Variants in RTTN observed in about 807,000 individuals in gnomAD.
RTTN encodes the protein rotatin.
Under a neutral mutation model 269.2 loss-of-function variants are expected in RTTN, and 182 were observed. The ratio of observed to expected loss-of-function variants is 0.68; its 90% CI spans 0.60 to 0.76. The LOEUF (loss-of-function observed/expected upper bound fraction) is 0.76. RTTN is among the 30% of genes least tolerant of loss of function. The probability of loss-of-function intolerance (pLI) is 0.00; values close to 1 mark genes in which losing one functional copy is unlikely to be tolerated. For missense variants in RTTN, 2,545 were observed against 2,608.6 expected (o/e 0.98, Z 0.53); for synonymous variants, 1,006 against 963.5 (o/e 1.04, Z -0.82).
intron 14 of RTTN, among the ~76,000 whole-genome samples, chr18:70,159,780 A>G (rs1427994728): frequency 1.3e-5 from 2 of 152,130 alleles, no homozygotes; most frequent in African/African-American, 4.8e-5. Context: ...ACCCTCAGAG[A>G]CCATTAAGAA....
At chr18:70,135,893 T>C (rs2145682461) in intron 21 of RTTN, among the ~76,000 whole-genome samples, 1 of 152,302 alleles carries the variant, frequency 6.6e-6, no homozygotes, top group South Asian at 2.1e-4. Context: ...TTCTTTAACA[T>C]TAAGTCTCAG....
At chr18:70,055,637 G>GC (rs1568307661) in intron 37 of RTTN, among the ~76,000 whole-genome samples, 2 of 152,068 alleles carry the variant, frequency 1.3e-5, no homozygotes, top group Non-Finnish European at 2.9e-5. Flanking sequence ...TGAAATTATA[G>GC]CAAGTCTGAC....
intron 33 of RTTN, 142 bp from the exon 34 acceptor site, chr18:70,074,136 C>A (rs2058367461): frequency 3.1e-5 from 13 of 423,868 alleles, no homozygotes; most frequent in Non-Finnish European, 4.3e-5. Flanking sequence ...AGATAGACCA[C>A]TATTTAAAAA....
chr18:70,068,539 C>T (rs1286766304), intron 34 of RTTN, among the ~76,000 whole-genome samples: 1 of 152,112 alleles, frequency 6.6e-6, no homozygotes, highest in Non-Finnish European at 1.5e-5. Context: ...CCCCTGTGTC[C>T]CCGCGGAACT....
chr18:70,086,726 AAAAAAAAGGTCAATAC>A, intron 31 of RTTN, 42 bp from the exon 32 acceptor site: 1 of 1,103,948 alleles, frequency 9.1e-7, no homozygotes, highest in Admixed American at 2.6e-5. Context: ...AAAAAAAAAA[AAAAAAAAGGTCAATAC>A]TGCCATCTTG....
Position 70,196,489 on chromosome 18 carries a change from A to G in RTTN, c.841+12T>C, listed in dbSNP as rs753376134. On this transcript the variant is annotated intron_variant, in intron 7 of 48. Coordinates refer to ENST00000640769, the MANE Select transcript of RTTN (RefSeq NM_173630.4). Reference sequence around the variant, plus strand: ...TAACACCAGTGGCTAATGAACAGATAAAAATAAATACCGTGTTTATTGGAG... The same window carrying G: ...TAACACCAGTGGCTAATGAACAGATGAAAATAAATACCGTGTTTATTGGAG... The G allele has an allele frequency of 6.2e-7, 1 of 1,601,700 alleles. No homozygotes were observed. Among genetic ancestry groups the G allele is most frequent in the Non-Finnish European group, 8.5e-7 (1 of 1,175,466 alleles).
chr18:70,092,185 A>G lies in RTTN; in HGVS notation c.4068T>C (p.Ser1356=). 2 of 1,613,450 alleles carry G rather than the reference A, an allele frequency of 1.2e-6. No homozygotes were observed. The highest frequency in any genetic ancestry group is 1.7e-6 in the Non-Finnish European group (2 of 1,179,428). ...GAGTAGGAATATGTTCTTCACTATG[A>G]CTACCCAAAGGCAAGAACCAAAGTG... ...WMSLWFLPLG[S]HSEEHIPTQQ... is the part of the protein sequence containing the mutation. Residue 1356 remains serine (S), a synonymous_variant, in exon 30 of 49, where the codon AGT becomes AGC. Transcript: ENST00000640769.
At chr18:70,050,578 T>C in intron 39 of RTTN, among the ~76,000 whole-genome samples, 1 of 152,198 alleles carries the variant, frequency 6.6e-6, no homozygotes, top group East Asian at 1.9e-4. Flanking sequence ...ACTGGGTATA[T>C]ACCTAAAGTT....
At chr18:70,157,181 G>GC (rs1172809844) in intron 14 of RTTN, among the ~76,000 whole-genome samples, 2 of 151,796 alleles carry the variant, frequency 1.3e-5, no homozygotes, top group African/African-American at 2.4e-5. Flanking sequence ...ACCGCCCCAC[G>GC]CCCCCCCAGA....
chr18:70,166,712 A>G (rs1485741498), intron 13 of RTTN: 1 of 418,266 alleles, frequency 2.4e-6, no homozygotes, highest in Non-Finnish European at 4.2e-6. Flanking sequence ...TAGGCATGAC[A>G]TTTTTGAAGT....
chr18:70,187,572 A>G (rs1377236839), intron 10 of RTTN, among the ~76,000 whole-genome samples: 1 of 152,216 alleles, frequency 6.6e-6, no homozygotes, highest in African/African-American at 2.4e-5. Flanking sequence ...AAGGCACAGT[A>G]TTTTGACTGT....
chr18:70,197,128 G>A (rs983146061), intron 6 of RTTN, among the ~76,000 whole-genome samples: 8 of 152,162 alleles, frequency 5.3e-5, no homozygotes, highest in African/African-American at 1.9e-4. Context: ...TGTGGAGCGA[G>A]AATGCTGAGC....
intron 35 of RTTN, 84 bp downstream of exon 35, chr18:70,065,745 T>G (rs1297410663): frequency 2.4e-6 from 2 of 831,454 alleles, no homozygotes; most frequent in Non-Finnish European, 1.8e-6. Context: ...ATTTTGTTCT[T>G]TAGACATTTA....
At chr18:70,194,920 C>T (rs1421716532) in intron 7 of RTTN, among the ~76,000 whole-genome samples, 1 of 152,052 alleles carries the variant, frequency 6.6e-6, no homozygotes, top group Admixed American at 6.6e-5. Flanking sequence ...ATATTGTATA[C>T]TTAAAAATGT....
chr18:70,118,941 A>T (rs959187636), intron 26 of RTTN, among the ~76,000 whole-genome samples: 1 of 152,110 alleles, frequency 6.6e-6, no homozygotes, highest in East Asian at 1.9e-4. Context: ...CCAACACAAT[A>T]AAGGCCATAT....
At chr18:70,151,492 T>C (rs2145801905) in intron 14 of RTTN, among the ~76,000 whole-genome samples, 1 of 152,288 alleles carries the variant, frequency 6.6e-6, no homozygotes, top group African/African-American at 2.4e-5. Context: ...ACATGAATAC[T>C]ACTTTTTTTC....
intron 11 of RTTN, among the ~76,000 whole-genome samples, chr18:70,176,451 C>T (rs2061303009): frequency 6.6e-6 from 1 of 152,114 alleles, no homozygotes; most frequent in South Asian, 2.1e-4. Context: ...ATAAAAGCAA[C>T]AGCACGATTA....
intron 19 of RTTN, among the ~76,000 whole-genome samples, chr18:70,140,400 T>G (rs2060227094): frequency 6.6e-6 from 1 of 152,136 alleles, no homozygotes; most frequent in Non-Finnish European, 1.5e-5. Flanking sequence ...ATATCTTACT[T>G]CTGTCACATA....
At chr18:70,130,304 T>C (rs1485196120) in intron 23 of RTTN, 2 of 151,956 alleles carry the variant, frequency 1.3e-5, no homozygotes, top group East Asian at 3.9e-4. Flanking sequence ...AGGAAATTGG[T>C]ATGTCAAAGA....
Sources: allele counts gnomAD v4.1 joint callset (sites outside exome capture counted in the v4.1 genomes callset), GRCh38; gene constraint gnomAD v4.1.1; transcripts MANE v1.5; gene names NCBI Gene and HGNC (gene_info 2026-07-23, HGNC 2026-07-21).